PRKCB: variants seen among roughly 807,000 people sequenced by gnomAD.
The protein encoded by PRKCB is protein kinase C beta type.
Under a neutral mutation model 81.5 loss-of-function variants are expected in PRKCB, and 13 were observed. That is an observed-to-expected ratio of 0.16 (90% CI 0.10 to 0.25). The LOEUF is 0.25. PRKCB is among the 10% of genes least tolerant of loss of function. The pLI is 1.00. For missense variants in PRKCB, 509 were observed against 875.7 expected (o/e 0.58, Z 5.29); for synonymous variants, 335 against 321.4 (o/e 1.04, Z -0.45).
intron 9 of PRKCB, among the ~76,000 whole-genome samples, chr16:24,134,964 GA>G (rs71154281): frequency 2.7e-5 from 4 of 149,190 alleles, no homozygotes; most frequent in South Asian, 2.1e-4. Flanking sequence ...CTTCTTCCAT[GA>G]AAAAAAAAGC....
chr16:23,958,101 C>T (rs1464877208), intron 2 of PRKCB, among the ~76,000 whole-genome samples: 1 of 152,148 alleles, frequency 6.6e-6, no homozygotes, highest in Non-Finnish European at 1.5e-5. Context: ...AAGGGATTCT[C>T]CTGCCTCAGC....
chr16:24,059,983 G>T (rs1965952059), intron 5 of PRKCB, among the ~76,000 whole-genome samples: 1 of 152,188 alleles, frequency 6.6e-6, no homozygotes, highest in Non-Finnish European at 1.5e-5. Context: ...GGAAAGAGGA[G>T]TGTAGACAAC....
At chr16:24,181,062 A>C (rs763915188) in intron 13 of PRKCB, 134 bp downstream of exon 13, 1 of 1,147,642 alleles carries the variant, frequency 8.7e-7, no homozygotes, top group Non-Finnish European at 1.2e-6. Context: ...TCTATACTCT[A>C]AATCCTCCCT....
At chr16:23,891,021 G>GTGTGTGTATA (rs1491316390) in intron 2 of PRKCB, among the ~76,000 whole-genome samples, 9 of 148,224 alleles carry the variant, frequency 6.1e-5, no homozygotes, top group Non-Finnish European at 1.3e-4. Flanking sequence ...GTGTGTGTGT[G>GTGTGTGTATA]TATATATATA....
chr16:23,836,304 C>T lies in PRKCB; in HGVS notation c.129C>T (p.Phe43=), dbSNP rs781315165. The part of the protein sequence containing the change: ...EVKNHKFTAR[F]FKQPTFCSHC... ...AGAACCACAAATTCACCGCCCGCTT[C>T]TTCAAGCAGCCCACCTTCTGCAGCC... is the stretch of plus-strand genomic sequence containing the variant. Residue 43 remains phenylalanine (F), a synonymous_variant, in exon 1 of 17, where the codon TTC becomes TTT. Coordinates refer to ENST00000643927, the MANE Select transcript of PRKCB (RefSeq NM_002738.7). The T allele has an allele frequency of 7.5e-6, 12 of 1,605,380 alleles. No individual in the cohort carries two copies. The highest frequency in any genetic ancestry group is 1.8e-4 in the Middle Eastern group (1 of 5,664).
At chr16:23,836,378 G>A (rs764890536) in intron 1 of PRKCB, 30 bp downstream of exon 1, 5 of 1,589,946 alleles carry the variant, frequency 3.1e-6, no homozygotes, top group Non-Finnish European at 2.6e-6. Flanking sequence ...GCACCTTCCC[G>A]GGCCCCCGAG....
intron 3 of PRKCB, among the ~76,000 whole-genome samples, chr16:24,029,302 A>T (rs543256120): frequency 1.3e-3 from 191 of 152,302 alleles, no homozygotes; most frequent in Middle Eastern, 6.8e-3. Flanking sequence ...CAAGGGAGAG[A>T]CCAGGTGGAG....
chr16:24,217,562 G>T lies in PRKCB; in HGVS notation c.*2746G>T, dbSNP rs984568266. 1 of 985,380 alleles carries T rather than the reference G, an allele frequency of 1.0e-6. No individual in the cohort carries two copies. Among genetic ancestry groups the T allele is most frequent in the South Asian group, 4.7e-5 (1 of 21,282 alleles). The allele number at this position is 985,380 out of a possible 1,614,324, so 61.0% of individuals were successfully genotyped here. ...TCCCAACTTCTACGGTAAAATCCAGGAGTATTTTCTCTGGGGATCTGCCCA... is the reference window on the plus strand; with the variant it reads ...TCCCAACTTCTACGGTAAAATCCAGTAGTATTTTCTCTGGGGATCTGCCCA... On this transcript the variant is annotated 3_prime_UTR_variant, in exon 17 of 17. Coordinates refer to ENST00000643927, the MANE Select transcript of PRKCB (RefSeq NM_002738.7).
chr16:24,094,332 G>A (rs1277178525), intron 7 of PRKCB, 35 bp downstream of exon 7: 1 of 1,603,664 alleles, frequency 6.2e-7, no homozygotes, highest in South Asian at 1.1e-5. Flanking sequence ...CTACCATACA[G>A]CTTGCTCCAT....
At chr16:24,098,736 T>G (rs1038266487) in intron 7 of PRKCB, 1 of 152,160 alleles carries the variant, frequency 6.6e-6, no homozygotes, top group African/African-American at 2.4e-5. Flanking sequence ...GGCAAAGATT[T>G]CACCTCAGTT....
At chr16:24,078,056 G>C (rs1170085356) in intron 5 of PRKCB, among the ~76,000 whole-genome samples, 1 of 152,222 alleles carries the variant, frequency 6.6e-6, no homozygotes, top group Non-Finnish European at 1.5e-5. Context: ...CGGGGCTTCT[G>C]GCCCTATGCT....
intron 13 of PRKCB, among the ~76,000 whole-genome samples, chr16:24,184,275 G>A (rs1161819127): frequency 6.6e-6 from 1 of 152,028 alleles, no homozygotes; most frequent in African/African-American, 2.4e-5. Flanking sequence ...GGGCAATATA[G>A]AGAGACCCCA....
intron 2 of PRKCB, among the ~76,000 whole-genome samples, chr16:23,940,300 A>G (rs553464018): frequency 5.9e-5 from 9 of 152,260 alleles, no homozygotes; most frequent in Non-Finnish European, 1.2e-4. Flanking sequence ...TTTTTAAAAC[A>G]TGCCAACTGC....
chr16:24,121,300 C>A (rs1196498745), intron 8 of PRKCB, among the ~76,000 whole-genome samples: 1 of 152,190 alleles, frequency 6.6e-6, no homozygotes, highest in Non-Finnish European at 1.5e-5. Context: ...TATCTGTATC[C>A]ATTTTGCCCT....
At chr16:23,986,555 A>G (rs1270174883) in intron 2 of PRKCB, among the ~76,000 whole-genome samples, 13 of 152,124 alleles carry the variant, frequency 8.5e-5, no homozygotes, top group Non-Finnish European at 1.8e-4. Context: ...CCCGGTTTCT[A>G]TTCTTATTTT....
intron 3 of PRKCB, among the ~76,000 whole-genome samples, chr16:24,020,974 CTTTTTCTTTCTTTCTT>C (rs1359029206): frequency 3.1e-4 from 30 of 96,528 alleles, no homozygotes; most frequent in African/African-American, 9.5e-4. Context: ...AGAGACTTTT[CTTTTTCTTTCTTTCTT>C]TCTTTCTTTC....
At chr16:24,134,653 G>C (rs1242399849) in intron 9 of PRKCB, among the ~76,000 whole-genome samples, 3 of 152,134 alleles carry the variant, frequency 2.0e-5, no homozygotes, top group Non-Finnish European at 4.4e-5. Flanking sequence ...AGAGGCTGAG[G>C]CAGGAGAATC....
intron 3 of PRKCB, among the ~76,000 whole-genome samples, chr16:24,007,077 G>A (rs1407543277): frequency 6.6e-6 from 1 of 152,208 alleles, no homozygotes; most frequent in East Asian, 1.9e-4. Flanking sequence ...CAGAATGACT[G>A]AGTTTGAATT....
In PRKCB at chr16:24,200,259, T is replaced by C. The variant is rs550758190; in HGVS notation, c.1863+9029T>C. The stretch of plus-strand genomic sequence containing the variant: ...CTGGTTGTTCTTTTGGGGTATCCAC[T>C]GTGTGGAGTTTGCAGAGATCTTAAT... On this transcript the variant is annotated intron_variant, in intron 16 of 16. Coordinates refer to ENST00000643927, the MANE Select transcript of PRKCB (RefSeq NM_002738.7). 2.0e-5 allele frequency among the ~76,000 whole-genome samples: 3 copies of C among 152,338 alleles called. No homozygotes were observed. The South Asian group carries it at 6.2e-4, about 32-fold the overall frequency.
Sources: gnomAD v4.1 joint callset for allele counts (sites outside exome capture counted in the v4.1 genomes callset) on GRCh38, gnomAD v4.1.1 for gene constraint, MANE v1.5 for transcripts, NCBI Gene and HGNC (gene_info 2026-07-23, HGNC 2026-07-21) for gene names.